The following ERC2 variants were observed in gnomAD, a reference collection of about 807,000 sequenced individuals.
ERC2 encodes the protein ELKS/RAB6-interacting/CAST family member 2, also known as ERC protein 2.
ERC2 carries 42 observed loss-of-function variants against 114.8 expected under a neutral mutation model. The observed-to-expected ratio is 0.37, with a 90% CI of 0.29 to 0.47. The LOEUF (loss-of-function observed/expected upper bound fraction) is 0.47. Ranked by LOEUF, ERC2 falls within the 20% of genes least tolerant of loss-of-function variation. The pLI, the probability that ERC2 is intolerant of heterozygous loss-of-function variation, is 0.99. For missense variants in ERC2, 939 were observed against 1,150.7 expected, an observed-to-expected ratio of 0.82 and a Z score of 2.66; for synonymous variants, 454 against 425.5, an observed-to-expected ratio of 1.07 and a Z score of -0.82.
At chr3:55,584,651 G>T (rs1307075177) in intron 17 of ERC2, among the ~76,000 whole-genome samples, 1 of 152,196 alleles carries the variant, frequency 6.6e-6, no homozygotes, top group African/African-American at 2.4e-5. Context: ...AAACCCTCAT[G>T]GGTGGAAGCA....
intron 4 of ERC2, among the ~76,000 whole-genome samples, chr3:56,170,633 G>T (rs2082609746): frequency 8.1e-6 from 1 of 123,162 alleles, no homozygotes; most frequent in Admixed American, 1.0e-4. Context: ...GTCTCACTAT[G>T]TCACCCAGGC....
At chr3:55,755,712 A>T (rs2067009831) in intron 14 of ERC2, among the ~76,000 whole-genome samples, 1 of 151,956 alleles carries the variant, frequency 6.6e-6, no homozygotes, top group Non-Finnish European at 1.5e-5. Flanking sequence ...CCAAACAAAA[A>T]CTCCCTGCTG....
intron 3 of ERC2, among the ~76,000 whole-genome samples, chr3:56,231,220 T>G (rs1452263540): frequency 2.0e-5 from 3 of 152,210 alleles, no homozygotes; most frequent in Non-Finnish European, 4.4e-5. Context: ...CCTGGATGAC[T>G]CCTTCTGCAT....
intron 3 of ERC2, among the ~76,000 whole-genome samples, chr3:56,277,215 C>T (rs2054063993): frequency 6.6e-6 from 1 of 152,078 alleles, no homozygotes; most frequent in Non-Finnish European, 1.5e-5. Context: ...TAAATATTTC[C>T]TTCTCAGTTT....
chr3:56,004,766 C>T (rs777776297), intron 10 of ERC2, among the ~76,000 whole-genome samples: 1 of 151,968 alleles, frequency 6.6e-6, no homozygotes, highest in Non-Finnish European at 1.5e-5. Flanking sequence ...GTATTTATGA[C>T]ATAATAAAAC....
chr3:56,299,338 C>A (rs2055702403), intron 2 of ERC2, among the ~76,000 whole-genome samples: 1 of 151,442 alleles, frequency 6.6e-6, no homozygotes, highest in African/African-American at 2.4e-5. Flanking sequence ...CAGTGTTAGT[C>A]AGGATGGTCT....
At chr3:56,205,466 A>T (rs2048668740) in intron 3 of ERC2, among the ~76,000 whole-genome samples, 1 of 151,970 alleles carries the variant, frequency 6.6e-6, no homozygotes, top group Non-Finnish European at 1.5e-5. Flanking sequence ...GTCTGTCCAA[A>T]CTCTTGCCCC....
chr3:55,773,367 CT>C (rs1332226197), intron 14 of ERC2, among the ~76,000 whole-genome samples: 1 of 152,202 alleles, frequency 6.6e-6, no homozygotes, highest in African/African-American at 2.4e-5. Context: ...CTTGCCTTCT[CT>C]ATGAGGTCTT....
chr3:56,183,077 T>G (rs2083375214), intron 3 of ERC2, among the ~76,000 whole-genome samples: 1 of 152,132 alleles, frequency 6.6e-6, no homozygotes, highest in African/African-American at 2.4e-5. Context: ...CCTAAATTAA[T>G]AGACAGTTAC....
At chr3:55,765,404 G>T (rs2067705676) in intron 14 of ERC2, among the ~76,000 whole-genome samples, 1 of 152,274 alleles carries the variant, frequency 6.6e-6, no homozygotes, top group South Asian at 2.1e-4. Context: ...CTCTGCAAAG[G>T]CTGATCCTAA....
chr3:55,522,196 G>C (rs139517824), intron 17 of ERC2, among the ~76,000 whole-genome samples: 122 of 152,234 alleles, frequency 8.0e-4, no homozygotes, highest in Middle Eastern at 3.4e-3. Context: ...GTCTTCTCTG[G>C]GGGGAGGGGA....
chr3:55,708,926 AAAAG>A (rs1273465807), intron 15 of ERC2, among the ~76,000 whole-genome samples: 8 of 142,386 alleles, frequency 5.6e-5, no homozygotes, highest in African/African-American at 1.9e-4. Context: ...AGAAGAGAGA[AAAAG>A]AAAGGAAGGA....
intron 17 of ERC2, among the ~76,000 whole-genome samples, chr3:55,664,484 C>A (rs2061272701): frequency 6.6e-6 from 1 of 152,220 alleles, no homozygotes; most frequent in Admixed American, 6.5e-5. Context: ...TCAACCACTC[C>A]TGAGCCCGAG....
At chr3:56,129,743 A>C (rs73078461) in intron 6 of ERC2, among the ~76,000 whole-genome samples, 6,142 of 152,264 alleles carry the variant, frequency 0.04, 287 homozygotes, top group African/African-American at 0.11. Flanking sequence ...AGAAGTATAA[A>C]CAAACAAAAG....
intron 14 of ERC2, among the ~76,000 whole-genome samples, chr3:55,829,684 G>T (rs2060486158): frequency 6.6e-6 from 1 of 151,998 alleles, no homozygotes; most frequent in Admixed American, 6.6e-5. Flanking sequence ...CCAGTTAATT[G>T]CTTTTTAAAA....
At chr3:56,373,112 AT>A (rs1400015754) in intron 2 of ERC2, among the ~76,000 whole-genome samples, 1 of 152,228 alleles carries the variant, frequency 6.6e-6, no homozygotes, top group Non-Finnish European at 1.5e-5. Context: ...TGCATCAGCA[AT>A]TGTCTTCCAA....
At chr3:55,794,716 C>T (rs1451664981) in intron 14 of ERC2, among the ~76,000 whole-genome samples, 1 of 152,114 alleles carries the variant, frequency 6.6e-6, no homozygotes, top group Non-Finnish European at 1.5e-5. Flanking sequence ...CTTTCTTCTG[C>T]TTATGGATCA....
At chr3:56,194,123 C>A (rs1356591898) in intron 3 of ERC2, among the ~76,000 whole-genome samples, 1 of 152,102 alleles carries the variant, frequency 6.6e-6, no homozygotes, top group Non-Finnish European at 1.5e-5. Flanking sequence ...ATATCCCTAG[C>A]ATGTGACAAA....
intron 2 of ERC2, among the ~76,000 whole-genome samples, chr3:56,316,822 A>G (rs1331016624): frequency 6.6e-6 from 1 of 152,208 alleles, no homozygotes; most frequent in African/African-American, 2.4e-5. Context: ...GCTATAACAC[A>G]ATCTCTTATT....
Sources: gnomAD v4.1 joint callset for allele counts (sites outside exome capture counted in the v4.1 genomes callset) on GRCh38, gnomAD v4.1.1 for gene constraint, MANE v1.5 for transcripts, NCBI Gene and HGNC (gene_info 2026-07-23, HGNC 2026-07-21) for gene names.